The following RPL31 variants were observed in gnomAD, a reference collection of about 807,000 sequenced individuals.
The protein encoded by RPL31 is large ribosomal subunit protein eL31.
For synonymous variants in RPL31, 51 were observed against 55.0 expected (o/e 0.93, Z 0.32); for missense variants, 95 against 164.0 (o/e 0.58, Z 2.30).
chr2:101,011,150 C>T (rs1020833791), downstream of RPL31: 2 of 949,644 alleles, frequency 2.1e-6, no homozygotes, highest in African/African-American at 3.3e-5. Flanking sequence ...CCATACAAAA[C>T]TGGAAAGCAA....
chr2:101,014,529 A>G (rs140922025), intron 4 of RPL31, among the ~76,000 whole-genome samples: 39 of 152,322 alleles, frequency 2.6e-4, no homozygotes, highest in South Asian at 2.1e-4. Context: ...AAATCTTTAG[A>G]ATGACTGTTT....
rs751639917 is a variant in RPL31, at chr2:101,004,181, G to A, written c.131G>A (p.Arg44Gln). Residue 44 changes from arginine to glutamine, a missense_variant, in exon 3 of 5, where the codon CGG becomes CAG. By Grantham distance (43) the Arg-to-Gln change is conservative (BLOSUM62 1). Coordinates refer to ENST00000264258, the MANE Select transcript of RPL31 (RefSeq NM_000993.5). ...AGGGGCTTCAAGAAGCGTGCACCTCGGGCACTCAAAGAGATTCGGAAATTT... is the reference window on the plus strand; with the variant it reads ...AGGGGCTTCAAGAAGCGTGCACCTCAGGCACTCAAAGAGATTCGGAAATTT... Reference protein sequence around the residue: ...HGVGFKKRAPRALKEIRKFAM... With the variant: ...HGVGFKKRAPQALKEIRKFAM... 4.3e-6 allele frequency: 7 copies of A among 1,613,722 alleles called. No homozygotes were observed. Among genetic ancestry groups the A allele is most frequent in the African/African-American group, 2.7e-5 (2 of 74,874 alleles).
chr2:101,011,087 G>A, downstream of RPL31: 1 of 1,528,140 alleles, frequency 6.5e-7, no homozygotes, highest in South Asian at 1.1e-5. Flanking sequence ...CAGCAAAAAG[G>A]AAACTATGTA....
At chr2:101,002,675 C>A in intron 1 of RPL31, 27 bp from the exon 2 acceptor site, 1 of 1,576,722 alleles carries the variant, frequency 6.3e-7, no homozygotes, top group Non-Finnish European at 8.7e-7. Context: ...AAACTCTGCT[C>A]TGAGCCTCCT....
chr2:101,017,991 G>A (rs1295542916), intron 4 of RPL31: 3 of 1,483,204 alleles, frequency 2.0e-6, no homozygotes, highest in Non-Finnish European at 2.8e-6. Context: ...CGGTTCCAAT[G>A]CTCGCAATTC....
Position 101,003,053 on chromosome 2 carries a change from A to T in RPL31, c.107+245A>T, listed in dbSNP as rs376958176. On this transcript the variant is annotated intron_variant, in intron 2 of 4. Coordinates refer to ENST00000264258, the MANE Select transcript of RPL31 (RefSeq NM_000993.5). ...CGAATGCGGACAGCAGCAGCTCCCT[A>T]CTCCTGTTCCCTTCCCTACCCAAAC... Among the ~76,000 whole-genome samples, 3 of 151,344 alleles carry T rather than the reference A, an allele frequency of 2.0e-5. No individual in the cohort carries two copies. In the East Asian group the frequency reaches 5.8e-4, roughly 29 times the overall value.
chr2:101,019,136 GTC>G, exon 5 of RPL31: 1 of 1,506,448 alleles, frequency 6.6e-7, no homozygotes, highest in Non-Finnish European at 9.0e-7. Context: ...CACCGAGGAC[GTC>G]TGTCTCCCAT....
downstream of RPL31, chr2:101,010,827 G>A (rs1038839166): frequency 4.4e-6 from 4 of 914,422 alleles, no homozygotes; most frequent in South Asian, 3.1e-5. Context: ...GGTTGCAGTG[G>A]GCTGAGATCG....
chr2:101,003,951 G>GT (rs1678630589), intron 2 of RPL31, among the ~76,000 whole-genome samples: 1 of 152,180 alleles, frequency 6.6e-6, no homozygotes, highest in African/African-American at 2.4e-5. Context: ...GTTTAGGCTG[G>GT]TTTTAGGAGG....
At chr2:101,005,673 C>A in intron 3 of RPL31, 2 of 367,890 alleles carry the variant, frequency 5.4e-6, no homozygotes, top group East Asian at 5.5e-5. Context: ...AAAAGACTAA[C>A]ACATTTGGAC....
chr2:101,002,884 C>A, intron 2 of RPL31, 76 bp downstream of exon 2: 2 of 1,059,138 alleles, frequency 1.9e-6, no homozygotes, highest in Non-Finnish European at 2.9e-6. Context: ...CGAATCACCT[C>A]CACCCCAATC....
intron 4 of RPL31, among the ~76,000 whole-genome samples, chr2:101,013,886 G>C (rs1487869077): frequency 1.3e-5 from 2 of 152,156 alleles, no homozygotes; most frequent in Non-Finnish European, 2.9e-5. Context: ...AAGCAGTATA[G>C]GGCCTTCCTC....
chr2:101,006,610 G>T lies in RPL31; in HGVS notation c.*229G>T. The T allele has an allele frequency of 2.3e-6, 1 of 436,424 alleles. No homozygotes were observed. The highest frequency in any genetic ancestry group is 6.3e-5 in the South Asian group (1 of 15,980). 27.0% of individuals were successfully genotyped at this position (436,424 alleles called of 1,614,324 possible). ...TGTTCTGGGTAGTTGGGATACTGAA[G>T]GCATATTGTTAATTATTCTACTTGT... On this transcript the variant is annotated 3_prime_UTR_variant, in exon 5 of 5. Coordinates refer to ENST00000264258, the MANE Select transcript of RPL31 (RefSeq NM_000993.5).
At chr2:101,019,072 G>A (rs1679865540) in exon 5 of RPL31, 2 of 1,599,354 alleles carry the variant, frequency 1.3e-6, no homozygotes, top group Admixed American at 1.7e-5. Flanking sequence ...GAGGCCTTGG[G>A]TCTCGGCTCT....
intron 2 of RPL31, 86 bp from the exon 3 acceptor site, chr2:101,004,072 G>T: frequency 6.9e-7 from 1 of 1,455,090 alleles, no homozygotes; most frequent in South Asian, 1.3e-5. Context: ...GTTTCCAGGA[G>T]CCTATCATCG....
At chr2:101,012,550 GAT>G (rs1017519898) in intron 4 of RPL31, among the ~76,000 whole-genome samples, 1 of 151,762 alleles carries the variant, frequency 6.6e-6, no homozygotes, top group Non-Finnish European at 1.5e-5. Flanking sequence ...GAGAGCTAAA[GAT>G]ATGACATTTA....
Position 101,006,088 on chromosome 2 carries a change from A to G in RPL31, c.346+17A>G, listed in dbSNP as rs773446812. 1 of 1,609,582 alleles carries G rather than the reference A, an allele frequency of 6.2e-7. No individual in the cohort carries two copies. The highest frequency in any genetic ancestry group is 1.1e-5 in the South Asian group (1 of 90,056). On this transcript the variant is annotated intron_variant, in intron 4 of 4. Transcript: ENST00000264258. ...CTTTCAAAAGTAAGTTCTCCATCCC[A>G]TAAAGCCATTTAAATTCATTAGAAA...
chr2:101,004,469 T>C (rs972240762), intron 3 of RPL31, 186 bp downstream of exon 3: 1 of 599,076 alleles, frequency 1.7e-6, no homozygotes. Context: ...TAGTGGCTTA[T>C]GAACTGAGAC....
intron 2 of RPL31, 85 bp from the exon 3 acceptor site, chr2:101,004,073 C>A: frequency 2.1e-6 from 3 of 1,456,894 alleles, no homozygotes; most frequent in Non-Finnish European, 2.8e-6. Context: ...TTTCCAGGAG[C>A]CTATCATCGA....
Sources: allele counts gnomAD v4.1 joint callset (sites outside exome capture counted in the v4.1 genomes callset), GRCh38; gene constraint gnomAD v4.1.1; transcripts MANE v1.5; gene names NCBI Gene and HGNC (gene_info 2026-07-23, HGNC 2026-07-21).